Variants in ANKFN1 observed in about 807,000 individuals in gnomAD.
ANKFN1 encodes the protein ankyrin repeat and fibronectin type-III domain-containing protein 1.
Under a neutral mutation model 108.7 loss-of-function variants are expected in ANKFN1, and 74 were observed. The observed-to-expected ratio is 0.68, with a 90% confidence interval of 0.56 to 0.83. ANKFN1 has a LOEUF of 0.83. Ranked by LOEUF, ANKFN1 falls within the 40% of genes least tolerant of loss-of-function variation. The probability of loss-of-function intolerance (pLI) is 0.00; values close to 1 mark genes in which losing one functional copy is unlikely to be tolerated. For missense variants in ANKFN1, 1,505 were observed against 1,382.3 expected (o/e 1.09, Z -1.41); for synonymous variants, 547 against 516.2 (o/e 1.06, Z -0.81).
Position 56,180,311 on chromosome 17 carries a change from C to T in ANKFN1, c.-71+26781C>T, listed in dbSNP as rs182652694. On this transcript the variant is annotated intron_variant, in intron 1 of 20. Coordinates refer to ENST00000682825, the MANE Select transcript of ANKFN1 (RefSeq NM_001370326.1). ...TTGTTCTATCTGTTGCTAGGCGTGT[C>T]AGCGTGTCTGTGGTCCTCATCCATG... is the stretch of plus-strand genomic sequence containing the variant. Among the ~76,000 whole-genome samples the T allele has an allele frequency of 9.8e-5, 15 of 152,296 alleles. No homozygotes were observed. In the East Asian group the frequency reaches 2.9e-3, roughly 29 times the overall value.
intron 4 of ANKFN1, among the ~76,000 whole-genome samples, chr17:56,058,498 T>A (rs538821882): frequency 2.9e-4 from 44 of 152,210 alleles, no homozygotes; most frequent in Non-Finnish European, 4.9e-4. Context: ...AGGATACATG[T>A]GCAGAACATG....
intron 4 of ANKFN1, among the ~76,000 whole-genome samples, chr17:56,085,846 C>T (rs1242192643): frequency 1.3e-5 from 2 of 151,316 alleles, no homozygotes; most frequent in Non-Finnish European, 3.0e-5. Flanking sequence ...AAACATCTGA[C>T]TCAAGCTTGT....
intron 8 of ANKFN1, among the ~76,000 whole-genome samples, chr17:56,421,486 G>T (rs1455006278): frequency 2.0e-5 from 3 of 152,122 alleles, no homozygotes; most frequent in African/African-American, 7.2e-5. Flanking sequence ...ATGGCACTAG[G>T]CTCTAAACGC....
chr17:56,392,473 A>G (rs2047469207), intron 8 of ANKFN1, among the ~76,000 whole-genome samples: 1 of 152,182 alleles, frequency 6.6e-6, no homozygotes, highest in East Asian at 1.9e-4. Flanking sequence ...ATAGCGCTAC[A>G]CACAAGGGAT....
intron 19 of ANKFN1, among the ~76,000 whole-genome samples, chr17:56,494,011 T>G (rs1374986745): frequency 6.6e-6 from 1 of 152,186 alleles, no homozygotes; most frequent in Non-Finnish European, 1.5e-5. Context: ...TATAAAACAC[T>G]CGGCAAAATG....
At chr17:56,071,350 G>T (rs941676219) in intron 4 of ANKFN1, among the ~76,000 whole-genome samples, 1 of 152,136 alleles carries the variant, frequency 6.6e-6, no homozygotes, top group Non-Finnish European at 1.5e-5. Flanking sequence ...TTTCATCCTT[G>T]TGATTCCCTC....
At chr17:56,284,417 T>C (rs2044164813) in intron 3 of ANKFN1, among the ~76,000 whole-genome samples, 1 of 152,210 alleles carries the variant, frequency 6.6e-6, no homozygotes, top group Non-Finnish European at 1.5e-5. Flanking sequence ...TTTTTTCTTT[T>C]TCTTCACAAG....
chr17:56,102,889 A>G (rs1486598503), intron 4 of ANKFN1, among the ~76,000 whole-genome samples: 1 of 152,250 alleles, frequency 6.6e-6, no homozygotes, highest in African/African-American at 2.4e-5. Flanking sequence ...TATCGCTAAA[A>G]TATTGTAACC....
At chr17:56,150,331 A>C (rs866726787), upstream of ANKFN1, among the ~76,000 whole-genome samples, 1 of 152,220 alleles carries the variant, frequency 6.6e-6, no homozygotes. Flanking sequence ...AAGACGTGGC[A>C]GTCCTGGGTC....
At chr17:56,289,527 T>A (rs1489684113) in intron 3 of ANKFN1, among the ~76,000 whole-genome samples, 1 of 152,220 alleles carries the variant, frequency 6.6e-6, no homozygotes, top group East Asian at 1.9e-4. Flanking sequence ...GGCATCTCAA[T>A]TGAGTTCTTT....
intron 8 of ANKFN1, among the ~76,000 whole-genome samples, chr17:56,406,199 T>G (rs8072623): frequency 0.62 from 94,827 of 152,058 alleles, 31,139 homozygotes; most frequent in East Asian, 0.96. Context: ...CAGACTCTTT[T>G]CATCCCATAC....
rs138888830 is a variant in ANKFN1 at position 56,315,745 on chromosome 17, C to T, written c.54-10476C>T. Among the ~76,000 whole-genome samples, 191 of 152,274 alleles carry T rather than the reference C, an allele frequency of 1.3e-3. 1 individual carries two copies. The highest frequency in any genetic ancestry group is 2.0e-3 in the Non-Finnish European group (139 of 68,036). On this transcript the variant is annotated intron_variant, in intron 3 of 20. Transcript: ENST00000682825. ...GCCAGAGCAGCCCATTCAGACTCTG[C>T]TCTATCTGATTTCATAGGAGTTCAG...
Position 56,089,817 on chromosome 17 carries a change from G to T in ANKFN1, c.288+43492G>T, listed in dbSNP as rs189177748. 9.3e-5 allele frequency among the ~76,000 whole-genome samples: 14 copies of T among 151,240 alleles called. 2 individuals carry two copies. The highest frequency in any genetic ancestry group is 3.4e-4 in the African/African-American group (14 of 41,126). ...TGCAGCTTTGCTATTTACCAGCCGG[G>T]TCATCTCCAGCAGCAGCTCCCTGAG... On this transcript the variant is annotated intron_variant, in intron 4 of 12. Coordinates refer to the ANKFN1 transcript ENST00000635860.
chr17:56,220,822 G>C (rs1001227193), intron 2 of ANKFN1, among the ~76,000 whole-genome samples: 20 of 56,530 alleles, frequency 3.5e-4, no homozygotes, highest in African/African-American at 1.5e-3. Flanking sequence ...AAGGAAGGAA[G>C]GAAGGAAGGG....
intron 11 of ANKFN1, among the ~76,000 whole-genome samples, chr17:56,452,932 C>T (rs866022692): frequency 4.6e-5 from 7 of 152,240 alleles, no homozygotes; most frequent in Middle Eastern, 6.8e-3. Flanking sequence ...TCATTTCTCT[C>T]GTCTCTAAAA....
intron 3 of ANKFN1, among the ~76,000 whole-genome samples, chr17:56,276,787 A>C (rs1425047431): frequency 6.6e-6 from 1 of 152,138 alleles, no homozygotes; most frequent in Admixed American, 6.5e-5. Flanking sequence ...CTTTTCCCAC[A>C]GACAAATCAT....
intron 1 of ANKFN1, among the ~76,000 whole-genome samples, chr17:56,197,037 T>C (rs1490241428): frequency 6.6e-6 from 1 of 152,254 alleles, no homozygotes; most frequent in African/African-American, 2.4e-5. Context: ...ACTTTTGTGC[T>C]TGTTCAAATG....
intron 8 of ANKFN1, among the ~76,000 whole-genome samples, chr17:56,384,539 C>T (rs1218028151): frequency 6.6e-6 from 1 of 152,172 alleles, no homozygotes; most frequent in Non-Finnish European, 1.5e-5. Flanking sequence ...ATCAAATTGT[C>T]CCTGTTTGCA....
At chr17:56,380,384 C>G (rs915078145) in intron 8 of ANKFN1, among the ~76,000 whole-genome samples, 5 of 152,204 alleles carry the variant, frequency 3.3e-5, no homozygotes, top group African/African-American at 1.2e-4. Context: ...TTCTGCATTT[C>G]CATCTGAGGT....
Sources: allele counts gnomAD v4.1 joint callset (sites outside exome capture counted in the v4.1 genomes callset), GRCh38; gene constraint gnomAD v4.1.1; transcripts MANE v1.5; gene names NCBI Gene and HGNC (gene_info 2026-07-23, HGNC 2026-07-21).